The following CCDC63 variants were observed in gnomAD, a reference collection of about 807,000 sequenced individuals.
CCDC63 encodes coiled-coil domain containing 63, also known as coiled-coil domain-containing protein 63.
CCDC63 carries 54 observed loss-of-function variants against 63.6 expected under a neutral mutation model. The observed-to-expected ratio is 0.85, with a 90% CI of 0.68 to 1.07. CCDC63 has a LOEUF of 1.07. CCDC63 is among the 50% of genes least tolerant of loss of function. The pLI is 0.00. For missense variants in CCDC63, 637 were observed against 689.6 expected (o/e 0.92, Z 0.86); for synonymous variants, 253 against 266.1 (o/e 0.95, Z 0.48).
At chr12:110,880,732 A>G (rs1292571749) in intron 6 of CCDC63, among the ~76,000 whole-genome samples, 1 of 244 alleles carries the variant, frequency 4.1e-3, no homozygotes, top group Non-Finnish European at 7.5e-3. Flanking sequence ...GGTTATAGTG[A>G]TGGGGTGGTG....
rs1010365858 is a variant in CCDC63 at position 110,889,844 on chromosome 12, G to A, written c.1075-3232G>A. Among the ~76,000 whole-genome samples, 3 of 151,600 alleles carry A rather than the reference G, an allele frequency of 2.0e-5. No homozygotes were observed. The highest frequency in any genetic ancestry group is 6.6e-5 in the Admixed American group (1 of 15,202). The stretch of plus-strand genomic sequence containing the variant: ...ACCCCACCCCTGCCCTGTAAAGATC[G>A]GAAGACTCACTTCCTTTCTTTTTTC... On this transcript the variant is annotated intron_variant, in intron 8 of 11. Coordinates refer to ENST00000308208, the MANE Select transcript of CCDC63 (RefSeq NM_152591.3). This position sits in a 1 kb window ranked among gnomAD's most constrained non-coding sequence, Gnocchi z 4.1.
chr12:110,886,322 G>A (rs1182638302), intron 8 of CCDC63, among the ~76,000 whole-genome samples: 1 of 152,064 alleles, frequency 6.6e-6, no homozygotes, highest in Admixed American at 6.6e-5. Flanking sequence ...GGAGGTGGAG[G>A]TTGCAGTGAG....
chr12:110,903,689 C>T (rs2071520512), intron 10 of CCDC63, among the ~76,000 whole-genome samples: 1 of 152,186 alleles, frequency 6.6e-6, no homozygotes, highest in Non-Finnish European at 1.5e-5. Flanking sequence ...AGCTACAGTG[C>T]AAGGGGATGT....
At position 110,899,195 on chromosome 12, in the gene CCDC63, C is replaced by T. The variant is rs190560353; in HGVS notation, c.1342+70C>T. On this transcript the variant is annotated intron_variant, in intron 10 of 11. Transcript: ENST00000308208. ...GAACTTTCTGTGACTGAGCATAAGGCCTTGCTCTTATGGAGTAGTGAGCTT... is the reference window on the plus strand; with the variant it reads ...GAACTTTCTGTGACTGAGCATAAGGTCTTGCTCTTATGGAGTAGTGAGCTT... The T allele has an allele frequency of 6.7e-5, 93 of 1,389,726 alleles. No individual in the cohort carries two copies. The East Asian group carries it at 2.0e-3, about 30-fold the overall frequency. The allele number at this position is 1,389,726 out of a possible 1,614,324, so 86.1% of individuals were successfully genotyped here. A position where few individuals can be genotyped will look rare whatever the true frequency, so the allele number is the denominator to read the frequency against.
At chr12:110,886,412 C>A (rs2071280095) in intron 8 of CCDC63, among the ~76,000 whole-genome samples, 1 of 151,764 alleles carries the variant, frequency 6.6e-6, no homozygotes, top group East Asian at 1.9e-4. Flanking sequence ...AAACCCACCC[C>A]AAAAAACCAC....
At chr12:110,854,223 G>C (rs2070739961) in intron 3 of CCDC63, among the ~76,000 whole-genome samples, 1 of 149,118 alleles carries the variant, frequency 6.7e-6, no homozygotes, top group African/African-American at 2.5e-5. Context: ...ATTTGAAATT[G>C]GATTGCATCA....
chr12:110,873,905 A>C lies in CCDC63; in HGVS notation c.433A>C (p.Asn145His). ...GATTTTCGCAAAAATGCAGGAGGCC[A>C]ATAACCCCCGGAAACTGCAGAAACA... is the stretch of plus-strand genomic sequence containing the variant. ...KQIFAKMQEANNPRKLQKQIH... is the reference protein window; with the variant it reads ...KQIFAKMQEAHNPRKLQKQIH... Residue 145 changes from asparagine to histidine, a missense_variant, in exon 5 of 12, where the codon AAT (asparagine) becomes CAT (histidine). Physicochemically the swap from Asn to His is moderately conservative, Grantham distance 68 (BLOSUM62 1). Coordinates refer to ENST00000308208, the MANE Select transcript of CCDC63 (RefSeq NM_152591.3). 3.1e-6 allele frequency: 5 copies of C among 1,613,160 alleles called. No homozygotes were observed. Among genetic ancestry groups the C allele is most frequent in the Middle Eastern group, 3.3e-4 (2 of 6,062 alleles).
intron 4 of CCDC63, 61 bp downstream of exon 4, chr12:110,858,836 C>A: frequency 1.4e-6 from 2 of 1,473,380 alleles, no homozygotes; most frequent in Non-Finnish European, 9.3e-7. Context: ...AGTTGGGGTG[C>A]ATATTCGTGA....
At chr12:110,903,515 G>C (rs938970153) in intron 10 of CCDC63, among the ~76,000 whole-genome samples, 1 of 152,194 alleles carries the variant, frequency 6.6e-6, no homozygotes, top group African/African-American at 2.4e-5. Context: ...GGTAGGGCAA[G>C]GGCTGTATTT....
At chr12:110,899,254 G>T (rs939996608) in intron 10 of CCDC63, 129 bp downstream of exon 10, 14 of 766,644 alleles carry the variant, frequency 1.8e-5, no homozygotes, top group Non-Finnish European at 2.5e-5. Context: ...AAGCCAGCCT[G>T]CCTGGGTTTG....
rs1299198084 is a variant in CCDC63, at chr12:110,880,010, G to A, written c.594G>A (p.Gln198=). The A allele has an allele frequency of 6.2e-7, 1 of 1,614,084 alleles. No homozygotes were observed. The highest frequency in any genetic ancestry group is 8.5e-7 in the Non-Finnish European group (1 of 1,180,028). The stretch of plus-strand genomic sequence containing the variant: ...CTGCTTATGACAATGTCTACCAGCA[G>A]CTCCAGCACTGCCTGTTGATGGAGA... ...EKAAYDNVYQ[Q]LQHCLLMEKK... is the part of the protein sequence containing the mutation. Residue 198 remains glutamine, a synonymous_variant, in exon 6 of 12, where the codon CAG becomes CAA. Transcript: ENST00000308208.
At chr12:110,903,823 G>C (rs2136751371) in intron 10 of CCDC63, among the ~76,000 whole-genome samples, 2 of 148,488 alleles carry the variant, frequency 1.3e-5, no homozygotes, top group South Asian at 4.3e-4. Context: ...AGAAGGAACA[G>C]CATAAGCAAA....
At chr12:110,901,108 C>T (rs1344213489) in intron 10 of CCDC63, among the ~76,000 whole-genome samples, 1 of 152,080 alleles carries the variant, frequency 6.6e-6, no homozygotes, top group Non-Finnish European at 1.5e-5. Flanking sequence ...ATAGTGCAAA[C>T]TATTTAGGCA....
intron 3 of CCDC63, among the ~76,000 whole-genome samples, chr12:110,856,996 G>A (rs1366395953): frequency 1.3e-5 from 2 of 151,670 alleles, no homozygotes; most frequent in African/African-American, 4.8e-5. Context: ...GTAGAGACAG[G>A]GCCTCACTAT....
chr12:110,871,563 CCTTT>C (rs1393542495), intron 4 of CCDC63, among the ~76,000 whole-genome samples: 2 of 149,904 alleles, frequency 1.3e-5, no homozygotes, highest in African/African-American at 4.9e-5. Context: ...TTCCTTCCTT[CCTTT>C]TTTTTTTTTT....
At chr12:110,883,605 T>TA (rs202160073) in intron 7 of CCDC63, among the ~76,000 whole-genome samples, 38 of 135,688 alleles carry the variant, frequency 2.8e-4, no homozygotes, top group Non-Finnish European at 4.3e-4. Flanking sequence ...TATATATATA[T>TA]TTTTTTGTTT....
chr12:110,873,854 G>T lies in CCDC63; in HGVS notation c.382G>T (p.Glu128Ter). The change falls in exon 5 of 12, where the codon GAA becomes TAA. Residue 128 changes from glutamate (E) to a stop codon, truncating the protein, a stop_gained. Coordinates refer to ENST00000308208, the MANE Select transcript of CCDC63 (RefSeq NM_152591.3). LOFTEE classifies it high-confidence loss of function. ...AELDEKILQM[E>*]KKIANQKQIF... ...CTCTCTTTTTCAGATTCTTCAGATG[G>T]AAAAAAAAATCGCAAACCAAAAACA... The T allele has an allele frequency of 6.3e-7, 1 of 1,599,776 alleles. No individual in the cohort carries two copies. Among genetic ancestry groups the T allele is most frequent in the South Asian group, 1.1e-5 (1 of 89,838 alleles).
rs558529947 is a variant in CCDC63, at chr12:110,849,787, C to G, written c.-97+2682C>G. On this transcript the variant is annotated intron_variant, in intron 1 of 11. Coordinates refer to ENST00000308208, the MANE Select transcript of CCDC63 (RefSeq NM_152591.3). The stretch of plus-strand genomic sequence containing the variant: ...GTGCTGGGATTACAGGCATGAGCCA[C>G]TGCGCCCGGCCCAAGTTCTCACTTT... Among the ~76,000 whole-genome samples, 3 of 152,328 alleles carry G rather than the reference C, an allele frequency of 2.0e-5. No individual in the cohort carries two copies. In the South Asian group the frequency reaches 6.2e-4, roughly 32 times the overall value.
intron 4 of CCDC63, among the ~76,000 whole-genome samples, chr12:110,868,758 G>A (rs1305884940): frequency 8.1e-6 from 1 of 123,412 alleles, no homozygotes; most frequent in Non-Finnish European, 1.7e-5. Context: ...GGAGGGGAAG[G>A]GGGAGGGGGA....
Sources: gnomAD v4.1 joint callset for allele counts (sites outside exome capture counted in the v4.1 genomes callset) on GRCh38, gnomAD v4.1.1 for gene constraint, Gnocchi (gnomAD v3.1) non-coding constraint, MANE v1.5 for transcripts, NCBI Gene and HGNC (gene_info 2026-07-23, HGNC 2026-07-21) for gene names.